Variants in GPR183 observed in about 807,000 individuals in gnomAD.
GPR183 encodes the protein EBV-induced G-protein coupled receptor 2.
A neutral mutation model predicts 19.7 loss-of-function variants in GPR183; 9 were observed. The observed-to-expected ratio is 0.46, with a 90% CI of 0.28 to 0.80. The LOEUF (loss-of-function observed/expected upper bound fraction) is 0.80. Ranked by LOEUF, GPR183 falls within the 30% of genes least tolerant of loss-of-function variation. The pLI is 0.13. For missense variants in GPR183, 368 were observed against 446.7 expected (o/e 0.82, Z 1.59); for synonymous variants, 160 against 155.1 (o/e 1.03, Z -0.24).
chr13:99,302,690 G>A (rs1042553554), intron 1 of GPR183, among the ~76,000 whole-genome samples: 1 of 152,182 alleles, frequency 6.6e-6, no homozygotes, highest in Admixed American at 6.5e-5. Context: ...TGGGAAACAT[G>A]CATTCCTGGT....
In GPR183 at chr13:99,299,072, T is replaced by C. The variant is rs566986551; in HGVS notation, c.-18-2909A>G. Among the ~76,000 whole-genome samples, 5 of 152,320 alleles carry C rather than the reference T, an allele frequency of 3.3e-5. No homozygotes were observed. In the South Asian group the frequency reaches 1.0e-3, roughly 32 times the overall value. ...TGCAAATCCTCCATATGAATAATTA[T>C]TATTGTAGAAATTAGGAAAGTAACA... On this transcript the variant is annotated intron_variant, in intron 1 of 1. Transcript: ENST00000376414.
At chr13:99,305,482 G>T (rs1416026211) in intron 1 of GPR183, among the ~76,000 whole-genome samples, 1 of 152,200 alleles carries the variant, frequency 6.6e-6, no homozygotes, top group Non-Finnish European at 1.5e-5. Flanking sequence ...TCTTTTAAAT[G>T]TAAGCTTCTT....
Position 99,295,100 on chromosome 13 carries a change from G to A in GPR183, c.1046C>T (p.Thr349Met), listed in dbSNP as rs1259543839. ...PEENSREMTE[T>M]QMMIHSKSSN... ...AGACTTGGAATGTATCATCATCTGC[G>A]TTTCTGTCATTTCACGTGAATTTTC... Residue 349 changes from threonine to methionine, a missense_variant, in exon 2 of 2, where the codon ACG (threonine) becomes ATG (methionine). By Grantham distance (81) the Thr-to-Met change is moderately conservative. Transcript: ENST00000376414. The surrounding 1 kb of genome is among the most constrained non-coding windows in gnomAD (Gnocchi z 4.1). 4 of 1,614,002 alleles carry A rather than the reference G, an allele frequency of 2.5e-6. No homozygotes were observed. The highest frequency in any genetic ancestry group is 1.1e-5 in the South Asian group (1 of 91,066).
intron 1 of GPR183, 21 bp from the exon 2 acceptor site, chr13:99,296,184 A>G (rs200432720): frequency 1.3e-6 from 2 of 1,525,508 alleles, no homozygotes; most frequent in Non-Finnish European, 1.8e-6. Context: ...ACCAAGAAGG[A>G]TCATATAAGT....
chr13:99,294,942 A>G lies in GPR183; in HGVS notation c.*118T>C, dbSNP rs938244623. On this transcript the variant is annotated 3_prime_UTR_variant, in exon 2 of 2. Transcript: ENST00000376414. ...CGAGTTGGAGATGGGAAAGTGCCCA[A>G]TGAAAGAAATATAAAAGAATACTAA... The G allele has an allele frequency of 7.7e-5, 91 of 1,174,224 alleles. No homozygotes were observed. The highest frequency in any genetic ancestry group is 9.6e-5 in the Non-Finnish European group (81 of 842,240). 72.7% of individuals were successfully genotyped at this position (1,174,224 alleles called of 1,614,324 possible).
intron 1 of GPR183, among the ~76,000 whole-genome samples, chr13:99,302,017 A>G (rs1360510458): frequency 6.6e-6 from 1 of 152,192 alleles, no homozygotes; most frequent in Non-Finnish European, 1.5e-5. Context: ...TTGTGCTGAG[A>G]TGATCACCAA....
chr13:99,294,986 T>C lies in GPR183; in HGVS notation c.*74A>G. 6.8e-7 allele frequency: 1 copy of C among 1,479,956 alleles called. No individual in the cohort carries two copies. The highest frequency in any genetic ancestry group is 9.1e-7 in the Non-Finnish European group (1 of 1,100,374). The allele number at this position is 1,479,956 out of a possible 1,614,324, so 91.7% of individuals were successfully genotyped here. A position where few individuals can be genotyped will look rare whatever the true frequency, so the allele number is the denominator to read the frequency against. On this transcript the variant is annotated 3_prime_UTR_variant, in exon 2 of 2. Coordinates refer to ENST00000376414, the MANE Select transcript of GPR183 (RefSeq NM_004951.5). Reference sequence around the variant, plus strand: ...ATACTAATTGGAAGCTGAACAATTATTTTGCTTTATAAGGGAAGTCCTGCA... The same window carrying C: ...ATACTAATTGGAAGCTGAACAATTACTTTGCTTTATAAGGGAAGTCCTGCA...
At chr13:99,297,700 C>CA (rs2044196993) in intron 1 of GPR183, among the ~76,000 whole-genome samples, 1 of 151,090 alleles carries the variant, frequency 6.6e-6, no homozygotes, top group African/African-American at 2.4e-5. Context: ...GGGAAAAAAA[C>CA]AAAGAATGAG....
chr13:99,303,510 CAT>C (rs1159906800), intron 1 of GPR183, among the ~76,000 whole-genome samples: 2 of 152,134 alleles, frequency 1.3e-5, no homozygotes, highest in Non-Finnish European at 2.9e-5. Flanking sequence ...ATGAAGATGA[CAT>C]ATGTTTAGAG....
At chr13:99,299,950 G>A (rs1020070877) in intron 1 of GPR183, among the ~76,000 whole-genome samples, 1 of 152,186 alleles carries the variant, frequency 6.6e-6, no homozygotes, top group Non-Finnish European at 1.5e-5. Context: ...CTGGCTTCAG[G>A]TTTCTTCCTC....
intron 1 of GPR183, among the ~76,000 whole-genome samples, chr13:99,306,894 A>C (rs573598220): frequency 6.6e-6 from 1 of 152,304 alleles, no homozygotes; most frequent in East Asian, 1.9e-4. Context: ...CCTTTGCCCT[A>C]GGAATTCTAC....
At chr13:99,306,295 A>T (rs963881707) in intron 1 of GPR183, among the ~76,000 whole-genome samples, 10 of 152,168 alleles carry the variant, frequency 6.6e-5, no homozygotes, top group Non-Finnish European at 1.5e-4. Flanking sequence ...GATGGGAGAC[A>T]GTTTTTTAGC....
chr13:99,297,960 A>G (rs1333987929), intron 1 of GPR183, among the ~76,000 whole-genome samples: 2 of 151,542 alleles, frequency 1.3e-5, no homozygotes, highest in South Asian at 2.1e-4. Context: ...CAGAAAAAAT[A>G]GAATTCAAGG....
intron 1 of GPR183, among the ~76,000 whole-genome samples, chr13:99,302,549 C>G (rs977774469): frequency 3.9e-5 from 6 of 152,310 alleles, no homozygotes; most frequent in Admixed American, 3.9e-4. Context: ...ACAGGGGCAT[C>G]TAAATTTGGC....
chr13:99,295,226 A>G lies in GPR183; in HGVS notation c.920T>C (p.Ile307Thr). The G allele has an allele frequency of 2.5e-6, 4 of 1,614,194 alleles. No homozygotes were observed. Among genetic ancestry groups the G allele is most frequent in the Non-Finnish European group, 3.4e-6 (4 of 1,180,014 alleles). ...ATACCCTTTACATGCAAAGAAGTAG[A>G]TAAAAGGGTCCATGCAGCAATTGAA... ...MNFNCCMDPF[I>T]YFFACKGYKR... is the part of the protein sequence containing the mutation. The change falls in exon 2 of 2, where the codon ATC becomes ACC. Residue 307 changes from isoleucine to threonine, a missense_variant. Transcript: ENST00000376414. This position sits in a 1 kb window ranked among gnomAD's most constrained non-coding sequence, Gnocchi z 4.1.
Position 99,305,839 on chromosome 13 carries a change from C to T in GPR183, c.-19+1501G>A, listed in dbSNP as rs74112033. 6.7e-3 allele frequency among the ~76,000 whole-genome samples: 1,013 copies of T among 152,220 alleles called. 7 individuals carry two copies. The highest frequency in any genetic ancestry group is 0.023 in the African/African-American group (957 of 41,516). On this transcript the variant is annotated intron_variant, in intron 1 of 1. Transcript: ENST00000376414. ...GCTAAAATATAAGAAGTGTGCAGTC[C>T]TACCAGTAAGCACAGTTAGATGTGT...
chr13:99,298,035 A>G (rs1402544896), intron 1 of GPR183, among the ~76,000 whole-genome samples: 1 of 152,162 alleles, frequency 6.6e-6, no homozygotes, highest in Admixed American at 6.5e-5. Flanking sequence ...GTCTACAAAG[A>G]ATATAAAAAT....
In GPR183 at chr13:99,304,189, C is replaced by CA. The variant is rs2044297217; in HGVS notation, c.-19+3150dup. 5.9e-5 allele frequency among the ~76,000 whole-genome samples: 9 copies of CA among 152,290 alleles called. No individual in the cohort carries two copies. The South Asian group carries it at 1.7e-3, about 28-fold the overall frequency. ...TGATCGTGGCCTGGCTCCAGGCATG[C>CA]AAAATTACTTAGAACCTTTGGATAT... On this transcript the variant is annotated intron_variant, in intron 1 of 1. Coordinates refer to ENST00000376414, the MANE Select transcript of GPR183 (RefSeq NM_004951.5).
At position 99,295,559 on chromosome 13, in the gene GPR183, A is replaced by G. The variant is rs2044157456; in HGVS notation, c.587T>C (p.Ile196Thr). Residue 196 changes from isoleucine (I) to threonine (T), a missense_variant, in exon 2 of 2, where the codon ATT becomes ACT. By Grantham distance (89) the Ile-to-Thr change is moderately conservative. Coordinates refer to ENST00000376414, the MANE Select transcript of GPR183 (RefSeq NM_004951.5). This position sits in a 1 kb window ranked among gnomAD's most constrained non-coding sequence, Gnocchi z 4.1. ...NFEETKSLPW[I>T]LLGACFIGYV... is the part of the protein sequence containing the mutation. ...TCCTATGAAACATGCCCCAAGCAGA[A>G]TCCAGGGAAGAGATTTAGTTTCTTC... The G allele has an allele frequency of 1.2e-6, 2 of 1,614,020 alleles. No individual in the cohort carries two copies. Among genetic ancestry groups the G allele is most frequent in the African/African-American group, 1.3e-5 (1 of 75,032 alleles).
Sources: gnomAD v4.1 joint callset for allele counts (sites outside exome capture counted in the v4.1 genomes callset) on GRCh38, gnomAD v4.1.1 for gene constraint, Gnocchi (gnomAD v3.1) non-coding constraint, MANE v1.5 for transcripts, NCBI Gene and HGNC (gene_info 2026-07-23, HGNC 2026-07-21) for gene names.